Variants in DNAH17 observed in about 807,000 individuals in gnomAD.
DNAH17 encodes axonemal beta dynein heavy chain 17.
A neutral mutation model predicts 485.6 loss-of-function variants in DNAH17; 376 were observed. The observed-to-expected ratio is 0.77, with a 90% confidence interval of 0.71 to 0.84. The LOEUF (loss-of-function observed/expected upper bound fraction) is 0.84, where lower values mean the gene tolerates loss of function less well. Ranked by LOEUF, DNAH17 falls within the 40% of genes least tolerant of loss-of-function variation. The probability of loss-of-function intolerance (pLI) is 0.00; values close to 1 mark genes in which losing one functional copy is unlikely to be tolerated. For synonymous variants in DNAH17, 3,031 were observed against 2,405.9 expected (o/e 1.26, Z -7.60); for missense variants, 6,370 against 5,839.3 (o/e 1.09, Z -2.96).
In DNAH17 at chr17:78,548,363, C is replaced by T. The variant is rs1011901058; in HGVS notation, c.2391+3172G>A. Among the ~76,000 whole-genome samples the T allele has an allele frequency of 1.6e-4, 25 of 152,120 alleles. 1 individual carries two copies. The highest frequency in any genetic ancestry group is 5.8e-4 in the African/African-American group (24 of 41,502). ...GGAACTACAGGCGCCCGCCACTACA[C>T]CTGGCTAATTTTTTGTATTTTTAGT... On this transcript the variant is annotated intron_variant, in intron 16 of 80. Coordinates refer to ENST00000389840, the MANE Select transcript of DNAH17 (RefSeq NM_173628.4).
At chr17:78,566,036 C>T (rs745949048) in intron 11 of DNAH17, among the ~76,000 whole-genome samples, 1 of 152,114 alleles carries the variant, frequency 6.6e-6, no homozygotes, top group Non-Finnish European at 1.5e-5. Context: ...AGAGACCTCC[C>T]TTGCCCCTTC....
intron 16 of DNAH17, among the ~76,000 whole-genome samples, chr17:78,546,373 A>T (rs1268496551): frequency 6.6e-6 from 1 of 152,226 alleles, no homozygotes; most frequent in Non-Finnish European, 1.5e-5. Flanking sequence ...ATTTTTAAAC[A>T]ATCTATTTTG....
At chr17:78,478,023 C>CCATCAT (rs2089137556) in intron 51 of DNAH17, among the ~76,000 whole-genome samples, 1 of 93,342 alleles carries the variant, frequency 1.1e-5, no homozygotes, top group African/African-American at 5.8e-5. Flanking sequence ...ATCACCATCA[C>CCATCAT]CACCACCATC....
intron 47 of DNAH17, 151 bp from the exon 48 acceptor site, chr17:78,485,184 C>T: frequency 1.0e-6 from 1 of 966,246 alleles, no homozygotes; most frequent in East Asian, 2.7e-5. Context: ...GGGAGTGGCC[C>T]TTGAGGGGGC....
At chr17:78,426,109 G>A (rs943811955) in intron 79 of DNAH17, among the ~76,000 whole-genome samples, 8 of 152,226 alleles carry the variant, frequency 5.3e-5, no homozygotes, top group African/African-American at 1.9e-4. Context: ...GAAGGGTCAG[G>A]AAGAAAATGG....
chr17:78,543,537 G>A (rs918658408), intron 17 of DNAH17, among the ~76,000 whole-genome samples: 5 of 151,926 alleles, frequency 3.3e-5, no homozygotes, highest in African/African-American at 7.2e-5. Flanking sequence ...TGATCCACCC[G>A]CCTCGGCCTC....
intron 18 of DNAH17, among the ~76,000 whole-genome samples, chr17:78,539,202 C>G (rs2091457255): frequency 6.6e-6 from 1 of 151,926 alleles, no homozygotes; most frequent in Non-Finnish European, 1.5e-5. Flanking sequence ...TGCACTCCAG[C>G]CTGGGCAACA....
rs183808415 is a variant in DNAH17 at position 78,442,767 on chromosome 17, T to C, written c.11529-1568A>G. Among the ~76,000 whole-genome samples, 22 of 151,584 alleles carry C rather than the reference T, an allele frequency of 1.5e-4. No homozygotes were observed. In the East Asian group the frequency reaches 4.3e-3, roughly 29 times the overall value. The stretch of plus-strand genomic sequence containing the variant: ...AGAGGAAGCACTTACGCCATGGAAA[T>C]TGGCACATGCTGTGCGTCAGGGTTT... On this transcript the variant is annotated intron_variant, in intron 71 of 80. Coordinates refer to ENST00000389840, the MANE Select transcript of DNAH17 (RefSeq NM_173628.4).
intron 76 of DNAH17, 65 bp from the exon 77 acceptor site, chr17:78,428,772 G>C: frequency 1.3e-6 from 2 of 1,574,886 alleles, no homozygotes; most frequent in Admixed American, 3.4e-5. Flanking sequence ...TGTCCTGTTG[G>C]TTAAGCATTC....
At chr17:78,487,918 C>T (rs147247188) in intron 44 of DNAH17, among the ~76,000 whole-genome samples, 1 of 152,262 alleles carries the variant, frequency 6.6e-6, no homozygotes, top group South Asian at 2.1e-4. Context: ...ACGTCTTTGC[C>T]GCATAGCACC....
intron 57 of DNAH17, 111 bp from the exon 58 acceptor site, chr17:78,461,819 G>A (rs1293891245): frequency 2.4e-5 from 25 of 1,059,430 alleles, no homozygotes; most frequent in Middle Eastern, 2.5e-4. Flanking sequence ...CGGCAGGGCC[G>A]TGTCTTACGA....
chr17:78,536,073 C>G (rs903230734), intron 19 of DNAH17, among the ~76,000 whole-genome samples: 1 of 152,036 alleles, frequency 6.6e-6, no homozygotes, highest in South Asian at 2.1e-4. Flanking sequence ...TGCGTTTAGA[C>G]GAGATGATTT....
chr17:78,540,636 C>A, intron 17 of DNAH17, among the ~76,000 whole-genome samples: 1 of 113,542 alleles, frequency 8.8e-6, no homozygotes, highest in Non-Finnish European at 1.8e-5. Flanking sequence ...TGTGTGAGTC[C>A]ATGGATGGAT....
intron 75 of DNAH17, among the ~76,000 whole-genome samples, chr17:78,431,329 G>A (rs376726828): frequency 3.7e-4 from 57 of 152,270 alleles, no homozygotes; most frequent in African/African-American, 1.2e-3. Flanking sequence ...TGTGTCTCCC[G>A]AGAGGCAGGA....
At chr17:78,471,012 A>T (rs1426445055) in intron 54 of DNAH17, among the ~76,000 whole-genome samples, 1 of 152,202 alleles carries the variant, frequency 6.6e-6, no homozygotes, top group Admixed American at 6.5e-5. Flanking sequence ...TATGTTCAGA[A>T]ATGCCTGCCA....
In DNAH17 at chr17:78,560,852, ATCT is replaced by A. The variant is rs2092138496; in HGVS notation, c.1916_1918del (p.Lys639del). On this transcript the variant is annotated inframe_deletion, in exon 13 of 81. Transcript: ENST00000389840. The stretch of plus-strand genomic sequence containing the variant: ...CACGCCCGCCACCCACTGCTGGTAG[ATCT>A]TCTCGCGGTGGCACCTCAGCAGCTC... The A allele has an allele frequency of 1.3e-6, 2 of 1,551,732 alleles. No individual in the cohort carries two copies. Among genetic ancestry groups the A allele is most frequent in the South Asian group, 1.2e-5 (1 of 84,064 alleles).
At chr17:78,512,513 G>C (rs530112442) in intron 26 of DNAH17, among the ~76,000 whole-genome samples, 1 of 152,270 alleles carries the variant, frequency 6.6e-6, no homozygotes, top group East Asian at 1.9e-4. Context: ...TTTGGCTTAA[G>C]GTTTATTTTG....
rs73380053 is a variant in DNAH17, at chr17:78,457,512, G to A, written c.9977+1053C>T. 3.0e-4 allele frequency among the ~76,000 whole-genome samples: 45 copies of A among 151,982 alleles called. 1 individual carries two copies. Among genetic ancestry groups the A allele is most frequent in the African/African-American group, 1.1e-3 (44 of 41,334 alleles). On this transcript the variant is annotated intron_variant, in intron 62 of 80. Transcript: ENST00000389840. ...GTTGAAATAATATTTTGGATATTTG[G>A]GGTTAAATAAAATTATAACTGTTTC...
At chr17:78,501,529 G>T in intron 34 of DNAH17, 185 bp from the exon 35 acceptor site, 1 of 972,638 alleles carries the variant, frequency 1.0e-6, no homozygotes, top group Non-Finnish European at 1.5e-6. Context: ...CTACAGAATG[G>T]CACTTCCAAT....
Sources: allele counts gnomAD v4.1 joint callset (sites outside exome capture counted in the v4.1 genomes callset), GRCh38; gene constraint gnomAD v4.1.1; transcripts MANE v1.5; gene names NCBI Gene and HGNC (gene_info 2026-07-23, HGNC 2026-07-21).